The following RNGTT variants were observed in gnomAD, a reference collection of about 807,000 sequenced individuals.
RNGTT encodes RNA guanylyltransferase and 5'-phosphatase, also known as mRNA-capping enzyme.
In RNGTT, 33 loss-of-function variants were observed where a neutral mutation model predicts 79.3. That is an observed-to-expected ratio of 0.42 (90% CI 0.32 to 0.56). The LOEUF is 0.56. RNGTT is among the 20% of genes least tolerant of loss of function. The pLI, the probability that RNGTT is intolerant of heterozygous loss-of-function variation, is 0.17. For missense variants in RNGTT, 497 were observed against 739.1 expected, an observed-to-expected ratio of 0.67 and a Z score of 3.80; for synonymous variants, 222 against 235.9, an observed-to-expected ratio of 0.94 and a Z score of 0.54.
intron 13 of RNGTT, among the ~76,000 whole-genome samples, chr6:88,708,650 G>C (rs1776221687): frequency 6.6e-6 from 1 of 152,164 alleles, no homozygotes; most frequent in Admixed American, 6.5e-5. Context: ...CTGCCCGGCA[G>C]TGCTGTTTTA....
rs777283173 is a variant in RNGTT at position 88,844,470 on chromosome 6, G to A, written c.1156C>T (p.Arg386Ter). The change falls in exon 11 of 16, where the codon CGA becomes TGA. Residue 386 changes from arginine to a stop codon, truncating the protein, a stop_gained. Transcript: ENST00000369485. LOFTEE classifies it high-confidence loss of function. The stretch of plus-strand genomic sequence containing the variant: ...TCGTGTCGAGGACTTATAATTTCTC[G>A]TTCTATACACTGCAGACGAACATTA... ...DFNVRLQCIEREIISPRHEKM... is the reference protein window; with the variant it reads ...DFNVRLQCIE 6.8e-6 allele frequency: 11 copies of A among 1,613,642 alleles called. No homozygotes were observed. The highest frequency in any genetic ancestry group is 4.0e-5 in the African/African-American group (3 of 74,892).
At position 88,641,874 on chromosome 6, in the gene RNGTT, T is replaced by C. The variant is rs143617502; in HGVS notation, c.1507-27479A>G. On this transcript the variant is annotated intron_variant, in intron 14 of 15. Transcript: ENST00000369485. ...CATACACAGCCAGTATACAGTAGCATCACATTCAAATATTTACGATCACAG... is the reference window on the plus strand; with the variant it reads ...CATACACAGCCAGTATACAGTAGCACCACATTCAAATATTTACGATCACAG... Among the ~76,000 whole-genome samples the C allele has an allele frequency of 2.5e-3, 387 of 152,326 alleles. 1 individual carries two copies. Among genetic ancestry groups the C allele is most frequent in the African/African-American group, 8.9e-3 (370 of 41,578 alleles).
intron 13 of RNGTT, among the ~76,000 whole-genome samples, chr6:88,690,380 C>T (rs1039597934): frequency 6.6e-6 from 1 of 151,200 alleles, no homozygotes; most frequent in African/African-American, 2.5e-5. Context: ...ATTTTTGCAA[C>T]TTTTCTGTAA....
chr6:88,720,436 T>C (rs1411871096), intron 13 of RNGTT, among the ~76,000 whole-genome samples: 1 of 152,040 alleles, frequency 6.6e-6, no homozygotes, highest in African/African-American at 2.4e-5. Context: ...CAGACTCTAA[T>C]TTTTCATACA....
chr6:88,849,102 C>A (rs75039964), intron 10 of RNGTT, among the ~76,000 whole-genome samples: 1 of 151,862 alleles, frequency 6.6e-6, no homozygotes, highest in Non-Finnish European at 1.5e-5. Flanking sequence ...CCCCTTATGT[C>A]TAGTTATAGG....
At chr6:88,815,163 T>C (rs1780275478) in intron 11 of RNGTT, among the ~76,000 whole-genome samples, 1 of 152,122 alleles carries the variant, frequency 6.6e-6, no homozygotes. Flanking sequence ...AGACTAAAGG[T>C]CAGACACAGG....
At chr6:88,838,064 G>A (rs373148318) in intron 11 of RNGTT, among the ~76,000 whole-genome samples, 5 of 152,068 alleles carry the variant, frequency 3.3e-5, no homozygotes, top group East Asian at 1.9e-4. Flanking sequence ...AAGAGAGTTC[G>A]ATAAATAAGA....
At chr6:88,661,752 T>G (rs556599460) in intron 14 of RNGTT, among the ~76,000 whole-genome samples, 2 of 151,080 alleles carry the variant, frequency 1.3e-5, no homozygotes, top group African/African-American at 4.9e-5. Flanking sequence ...ATTCAAAGAG[T>G]TGGTACCAAT....
chr6:88,799,883 G>C (rs1446176199), intron 12 of RNGTT, among the ~76,000 whole-genome samples: 1 of 151,934 alleles, frequency 6.6e-6, no homozygotes, highest in Non-Finnish European at 1.5e-5. Context: ...TGAATTTATT[G>C]TTATATTTAG....
intron 1 of RNGTT, among the ~76,000 whole-genome samples, chr6:88,949,160 A>AAAAAAAAAAAAAAAAAAAAAAAATG (rs1562077168): frequency 2.9e-5 from 1 of 35,072 alleles, no homozygotes; most frequent in African/African-American, 1.5e-4. Context: ...AAATAAAATG[A>AAAAAAAAAAAAAAAAAAAAAAAATG]AAAAAAAAAA....
At chr6:88,914,150 A>T (rs1404778146) in intron 4 of RNGTT, among the ~76,000 whole-genome samples, 1 of 152,032 alleles carries the variant, frequency 6.6e-6, no homozygotes, top group African/African-American at 2.4e-5. Flanking sequence ...ACAAACAAAT[A>T]AAAAAAATTC....
chr6:88,814,556 C>CGTATATA (rs1780254900), intron 11 of RNGTT, among the ~76,000 whole-genome samples: 1 of 152,044 alleles, frequency 6.6e-6, no homozygotes, highest in Non-Finnish European at 1.5e-5. Flanking sequence ...ATCATTAAAC[C>CGTATATA]TTTGTTCATG....
intron 11 of RNGTT, among the ~76,000 whole-genome samples, chr6:88,826,630 A>C (rs1780662798): frequency 6.6e-6 from 1 of 151,516 alleles, no homozygotes; most frequent in South Asian, 2.1e-4. Flanking sequence ...ATAAAAATAC[A>C]AAATTAGCCA....
chr6:88,803,247 TG>T (rs1290542515), intron 11 of RNGTT, among the ~76,000 whole-genome samples: 1 of 151,980 alleles, frequency 6.6e-6, no homozygotes, highest in East Asian at 1.9e-4. Context: ...GCCAGAGGCT[TG>T]GGGGGTAGTC....
chr6:88,655,721 T>C (rs1450143591), intron 14 of RNGTT, among the ~76,000 whole-genome samples: 1 of 152,176 alleles, frequency 6.6e-6, no homozygotes, highest in Non-Finnish European at 1.5e-5. Context: ...AGTGTCAAAG[T>C]GGAAACTTGG....
intron 8 of RNGTT, among the ~76,000 whole-genome samples, chr6:88,887,705 AG>A (rs1348731404): frequency 2.0e-5 from 3 of 152,232 alleles, no homozygotes; most frequent in African/African-American, 7.2e-5. Context: ...ACACAACTAC[AG>A]AGGAGGAACA....
chr6:88,643,474 A>C (rs754229558), intron 14 of RNGTT, among the ~76,000 whole-genome samples: 108 of 152,170 alleles, frequency 7.1e-4, no homozygotes, highest in Non-Finnish European at 8.1e-4. Flanking sequence ...ATGTCCAGGA[A>C]TTGAATTCAG....
chr6:88,806,316 C>T (rs561939003), intron 11 of RNGTT, among the ~76,000 whole-genome samples: 3 of 149,166 alleles, frequency 2.0e-5, no homozygotes, highest in East Asian at 2.0e-4. Context: ...AAAAGGAACA[C>T]GCTTTTTTTT....
intron 4 of RNGTT, among the ~76,000 whole-genome samples, chr6:88,925,323 G>T (rs1390267100): frequency 6.6e-6 from 1 of 152,054 alleles, no homozygotes; most frequent in Non-Finnish European, 1.5e-5. Context: ...ATAAATAAGG[G>T]TTCACGCCTG....
Sources: gnomAD v4.1 joint callset for allele counts (sites outside exome capture counted in the v4.1 genomes callset) on GRCh38, gnomAD v4.1.1 for gene constraint, MANE v1.5 for transcripts, NCBI Gene and HGNC (gene_info 2026-07-23, HGNC 2026-07-21) for gene names.